VPS53: variants seen among roughly 807,000 people sequenced by gnomAD.
The protein encoded by VPS53 is vacuolar protein sorting-associated protein 53 homolog.
A neutral mutation model predicts 107.0 loss-of-function variants in VPS53; 70 were observed. The ratio of observed to expected loss-of-function variants is 0.65; its 90% confidence interval spans 0.54 to 0.80. The LOEUF (loss-of-function observed/expected upper bound fraction) is 0.80, where lower values mean the gene tolerates loss of function less well. Ranked by LOEUF, VPS53 falls within the 30% of genes least tolerant of loss-of-function variation. The pLI is 0.00. For synonymous variants in VPS53, 409 were observed against 393.3 expected (o/e 1.04, Z -0.47); for missense variants, 917 against 1,049.4 (o/e 0.87, Z 1.74).
intron 13 of VPS53, among the ~76,000 whole-genome samples, chr17:577,539 T>C (rs537817640): frequency 2.1e-5 from 3 of 140,994 alleles, no homozygotes; most frequent in African/African-American, 8.0e-5. Flanking sequence ...TTCCCAGAGA[T>C]CCTCCCTCAG....
At chr17:627,757 A>G (rs767301892) in intron 9 of VPS53, among the ~76,000 whole-genome samples, 7 of 131,990 alleles carry the variant, frequency 5.3e-5, no homozygotes, top group Non-Finnish European at 7.9e-5. Flanking sequence ...CCTGGGCAAC[A>G]AGAGCGAAAC....
chr17:538,490 T>C (rs1910295090), intron 17 of VPS53: 1 of 152,244 alleles, frequency 6.6e-6, no homozygotes, highest in Admixed American at 6.5e-5. Context: ...TTTACAGAGC[T>C]CTTGGGGAAA....
intron 1 of VPS53, among the ~76,000 whole-genome samples, chr17:712,068 G>A (rs532254795): frequency 1.2e-4 from 18 of 151,808 alleles, no homozygotes; most frequent in East Asian, 7.8e-4. Context: ...CACCCGCCTC[G>A]GCCTCCCAAA....
intron 11 of VPS53, among the ~76,000 whole-genome samples, chr17:603,068 G>A (rs971574894): frequency 3.9e-5 from 6 of 152,154 alleles, no homozygotes; most frequent in Non-Finnish European, 7.3e-5. Flanking sequence ...GGACTATAGC[G>A]TGAATAACTT....
At chr17:599,000 G>T (rs1431139337) in intron 12 of VPS53, among the ~76,000 whole-genome samples, 4 of 106,728 alleles carry the variant, frequency 3.7e-5, no homozygotes, top group Admixed American at 9.3e-5. Context: ...GGGAGGTGGG[G>T]GGGGGGGTCA....
At chr17:592,253 T>G (rs1241969442) in intron 12 of VPS53, among the ~76,000 whole-genome samples, 1 of 152,238 alleles carries the variant, frequency 6.6e-6, no homozygotes, top group Non-Finnish European at 1.5e-5. Flanking sequence ...TAGATCTTCC[T>G]CCATCCTTTC....
intron 13 of VPS53, among the ~76,000 whole-genome samples, chr17:565,568 A>G (rs1290224308): frequency 6.6e-6 from 1 of 152,132 alleles, no homozygotes; most frequent in African/African-American, 2.4e-5. Context: ...GGAAAGCTTC[A>G]TGGCCACCAC....
In VPS53 at chr17:591,729, C is replaced by CT. The variant is rs1195007612; in HGVS notation, c.1219-5366dup. On this transcript the variant is annotated intron_variant, in intron 12 of 21. Transcript: ENST00000437048. ...AATCCAGAGTTCTAGTTTGATTGCA[C>CT]TGTGGTCTGAGAGATAGTTTGTTAT... 3.3e-5 allele frequency among the ~76,000 whole-genome samples: 5 copies of CT among 152,266 alleles called. No homozygotes were observed. The East Asian group carries it at 9.6e-4, about 29-fold the overall frequency.
At chr17:549,755 T>C (rs1231914946) in intron 17 of VPS53, among the ~76,000 whole-genome samples, 2 of 152,072 alleles carry the variant, frequency 1.3e-5, no homozygotes, top group Admixed American at 1.3e-4. Flanking sequence ...GCAAAACGAA[T>C]CCTCTAAGCA....
chr17:670,832 T>A (rs1971904662), intron 4 of VPS53, among the ~76,000 whole-genome samples: 1 of 152,204 alleles, frequency 6.6e-6, no homozygotes, highest in South Asian at 2.1e-4. Flanking sequence ...GGTGCTATTA[T>A]TCACGGTTAC....
rs1971448470 is a variant in VPS53, at chr17:661,799, C to G, written c.372+10G>C. 1.3e-6 allele frequency: 2 copies of G among 1,551,638 alleles called. No individual in the cohort carries two copies. The highest frequency in any genetic ancestry group is 1.7e-6 in the Non-Finnish European group (2 of 1,146,808). On this transcript the variant is annotated intron_variant, in intron 5 of 21. Coordinates refer to ENST00000437048, the MANE Select transcript of VPS53 (RefSeq NM_001128159.3). ...TGGTGCAAAAAGGTTAGGAAGAAAC[C>G]AGAACTCACCATTTGCTCTGATTTT...
At chr17:609,287 TG>T (rs1340753960) in intron 11 of VPS53, among the ~76,000 whole-genome samples, 1 of 152,242 alleles carries the variant, frequency 6.6e-6, no homozygotes, top group African/African-American at 2.4e-5. Context: ...TCACTCGGCA[TG>T]GTGTGTCCAA....
At chr17:548,991 G>A (rs1174702899) in intron 17 of VPS53, among the ~76,000 whole-genome samples, 1 of 152,048 alleles carries the variant, frequency 6.6e-6, no homozygotes, top group African/African-American at 2.4e-5. Context: ...CTTTTCTTAT[G>A]GCACTGATTT....
At chr17:537,212 G>C in intron 17 of VPS53, 36 bp from the exon 18 acceptor site, 1 of 1,609,360 alleles carries the variant, frequency 6.2e-7, no homozygotes. Context: ...TGAATCCCTC[G>C]CAGGAGAACG....
Position 696,758 on chromosome 17 carries a change from C to T in VPS53, c.285+660G>A, listed in dbSNP as rs373753002. Among the ~76,000 whole-genome samples the T allele has an allele frequency of 3.9e-5, 6 of 151,938 alleles. No individual in the cohort carries two copies. In the East Asian group the frequency reaches 1.2e-3, roughly 29 times the overall value. ...AGACTTACTTCATTCCCTCCAATGG[C>T]CTCCTTAACTAGATCCAATAAGACT... is the stretch of plus-strand genomic sequence containing the variant. On this transcript the variant is annotated intron_variant, in intron 4 of 21. Transcript: ENST00000437048.
At chr17:542,081 C>A (rs557143657) in intron 17 of VPS53, among the ~76,000 whole-genome samples, 1 of 149,174 alleles carries the variant, frequency 6.7e-6, no homozygotes, top group Non-Finnish European at 1.5e-5. Flanking sequence ...ACTGAAGGAA[C>A]GTTTCTCAAG....
intron 14 of VPS53, among the ~76,000 whole-genome samples, chr17:561,706 C>T (rs1041216218): frequency 2.6e-5 from 4 of 152,132 alleles, no homozygotes; most frequent in Admixed American, 1.3e-4. Flanking sequence ...CTCGGCTCAG[C>T]GCAACCTCCG....
chr17:677,268 G>A (rs189355545), intron 4 of VPS53, among the ~76,000 whole-genome samples: 24 of 152,288 alleles, frequency 1.6e-4, no homozygotes, highest in African/African-American at 4.8e-4. Context: ...TTATTCACCC[G>A]TAAAAGAGAA....
chr17:674,356 T>C (rs1972073930), intron 4 of VPS53: 1 of 152,228 alleles, frequency 6.6e-6, no homozygotes, highest in African/African-American at 2.4e-5. Context: ...TTTAGTCACT[T>C]CATAACTCTC....
Sources: gnomAD v4.1 joint callset for allele counts (sites outside exome capture counted in the v4.1 genomes callset) on GRCh38, gnomAD v4.1.1 for gene constraint, MANE v1.5 for transcripts, NCBI Gene and HGNC (gene_info 2026-07-23, HGNC 2026-07-21) for gene names.